The following FAM13A variants were observed in gnomAD, a reference collection of about 807,000 sequenced individuals.
FAM13A encodes the protein family with sequence similarity 13 member A.
Under a neutral mutation model 129.6 loss-of-function variants are expected in FAM13A, and 76 were observed. That is an observed-to-expected ratio of 0.59 (90% confidence interval 0.49 to 0.71). The LOEUF (loss-of-function observed/expected upper bound fraction) is 0.71. Ranked by LOEUF, FAM13A falls within the 30% of genes least tolerant of loss-of-function variation. The probability of loss-of-function intolerance (pLI) is 0.00; values close to 1 mark genes in which losing one functional copy is unlikely to be tolerated. For synonymous variants in FAM13A, 443 were observed against 449.9 expected (o/e 0.98, Z 0.20); for missense variants, 1,108 against 1,249.3 (o/e 0.89, Z 1.70).
intron 7 of FAM13A, among the ~76,000 whole-genome samples, chr4:88,806,304 G>T (rs1435400765): frequency 2.0e-5 from 3 of 152,168 alleles, no homozygotes; most frequent in Non-Finnish European, 4.4e-5. Flanking sequence ...ATCACCTGGG[G>T]TGTACACCAC....
chr4:88,944,238 G>A (rs1206950885), intron 4 of FAM13A, among the ~76,000 whole-genome samples: 1 of 152,140 alleles, frequency 6.6e-6, no homozygotes. Context: ...TATGGTTCCA[G>A]CTACCCAGGA....
At chr4:88,856,231 G>C (rs1322293332) in intron 6 of FAM13A, among the ~76,000 whole-genome samples, 1 of 152,034 alleles carries the variant, frequency 6.6e-6, no homozygotes, top group African/African-American at 2.4e-5. Flanking sequence ...TGTAATCCTA[G>C]CACTTTGGGA....
chr4:89,010,534 AG>A (rs1406554290), intron 3 of FAM13A, among the ~76,000 whole-genome samples: 2 of 152,200 alleles, frequency 1.3e-5, no homozygotes, highest in African/African-American at 4.8e-5. Flanking sequence ...TAAAATGTAA[AG>A]GTGCTACCCT....
At chr4:88,841,366 C>A (rs945740965) in intron 7 of FAM13A, among the ~76,000 whole-genome samples, 10 of 151,780 alleles carry the variant, frequency 6.6e-5, no homozygotes, top group Non-Finnish European at 1.5e-4. Flanking sequence ...TGGTGGCATG[C>A]GCCTGTAATC....
chr4:88,959,967 C>T (rs1346892491), intron 4 of FAM13A, among the ~76,000 whole-genome samples: 1 of 152,172 alleles, frequency 6.6e-6, no homozygotes, highest in African/African-American at 2.4e-5. Flanking sequence ...TTCCATTATA[C>T]ACAGTAGAAG....
At chr4:88,932,269 A>G (rs1753145729) in intron 5 of FAM13A, among the ~76,000 whole-genome samples, 1 of 152,238 alleles carries the variant, frequency 6.6e-6, no homozygotes, top group African/African-American at 2.4e-5. Context: ...GCAATTTATC[A>G]TTACATTTCC....
At chr4:88,812,699 C>T (rs1729894505) in intron 7 of FAM13A, among the ~76,000 whole-genome samples, 1 of 152,116 alleles carries the variant, frequency 6.6e-6, no homozygotes, top group Non-Finnish European at 1.5e-5. Context: ...TAGCACATAA[C>T]ACTGAAATTC....
At chr4:88,740,362 G>A (rs1487205850) in intron 19 of FAM13A, among the ~76,000 whole-genome samples, 1 of 152,178 alleles carries the variant, frequency 6.6e-6, no homozygotes, top group Non-Finnish European at 1.5e-5. Context: ...CCCCTTGAGA[G>A]CAGGAGTTTA....
chr4:88,944,681 C>T (rs145047951), intron 4 of FAM13A, among the ~76,000 whole-genome samples: 2,697 of 152,232 alleles, frequency 0.018, 81 homozygotes, highest in African/African-American at 0.06. Context: ...GCAGGTAGAT[C>T]ACCTGAGGTC....
intron 3 of FAM13A, among the ~76,000 whole-genome samples, chr4:89,004,603 T>C (rs992598131): frequency 1.2e-4 from 18 of 152,220 alleles, no homozygotes; most frequent in African/African-American, 3.9e-4. Flanking sequence ...ACACTTATTC[T>C]TCTGTAACTC....
intron 7 of FAM13A, among the ~76,000 whole-genome samples, chr4:88,816,460 A>G (rs2149803213): frequency 6.6e-6 from 1 of 152,352 alleles, no homozygotes; most frequent in Admixed American, 6.5e-5. Context: ...TCTCCAATTC[A>G]GCAAGTATTT....
rs569958744 is a variant in FAM13A at position 88,767,889 on chromosome 4, C to T, written c.1535+94G>A. 9 of 797,286 alleles carry T rather than the reference C, an allele frequency of 1.1e-5. No individual in the cohort carries two copies. In the African/African-American group the frequency reaches 1.5e-4, roughly 14 times the overall value. 49.4% of individuals were successfully genotyped at this position (797,286 alleles called of 1,614,324 possible). On this transcript the variant is annotated intron_variant, in intron 12 of 23. Transcript: ENST00000264344. ...TGGTAAATATATAGTCCTTTAATTC[C>T]ATTCTTTTTAGTTCTTATAATTCAC...
chr4:88,763,983 T>C (rs1008805289), intron 13 of FAM13A, among the ~76,000 whole-genome samples: 32 of 152,302 alleles, frequency 2.1e-4, no homozygotes, highest in African/African-American at 7.2e-4. Context: ...TCCTAAAGCT[T>C]CCATGAAAAC....
intron 8 of FAM13A, among the ~76,000 whole-genome samples, chr4:88,793,826 T>A (rs1262722742): frequency 1.3e-5 from 2 of 152,024 alleles, no homozygotes. Flanking sequence ...CATTTATGGT[T>A]TATTAGATTC....
chr4:88,934,424 G>A (rs191188305), intron 5 of FAM13A, among the ~76,000 whole-genome samples: 11 of 152,258 alleles, frequency 7.2e-5, no homozygotes, highest in Non-Finnish European at 1.3e-4. Flanking sequence ...TGAATTCAAC[G>A]TATAGTCCAT....
At chr4:88,873,782 T>C (rs888759561) in intron 6 of FAM13A, among the ~76,000 whole-genome samples, 7 of 152,172 alleles carry the variant, frequency 4.6e-5, no homozygotes, top group Non-Finnish European at 8.8e-5. Context: ...CCCTAACTCA[T>C]TTTATGAGGC....
intron 1 of FAM13A, among the ~76,000 whole-genome samples, chr4:89,046,190 A>G (rs1770831231): frequency 1.3e-5 from 2 of 152,102 alleles, no homozygotes; most frequent in Non-Finnish European, 2.9e-5. Flanking sequence ...ATTTTAACCA[A>G]TTAATTAATG....
intron 6 of FAM13A, among the ~76,000 whole-genome samples, chr4:88,900,032 C>T (rs974009687): frequency 6.6e-6 from 1 of 151,994 alleles, no homozygotes; most frequent in African/African-American, 2.4e-5. Context: ...GAAAGAATAT[C>T]AGAGCTTGAA....
chr4:88,920,228 G>A (rs1264845658), intron 5 of FAM13A, among the ~76,000 whole-genome samples: 1 of 152,186 alleles, frequency 6.6e-6, no homozygotes, highest in African/African-American at 2.4e-5. Context: ...GGAGATCTGA[G>A]AACGGGCAGA....
Sources: allele counts gnomAD v4.1 joint callset (sites outside exome capture counted in the v4.1 genomes callset), GRCh38; gene constraint gnomAD v4.1.1; transcripts MANE v1.5; gene names NCBI Gene and HGNC (gene_info 2026-07-23, HGNC 2026-07-21).